The following BBX variants were observed in gnomAD, a reference collection of about 807,000 sequenced individuals.
The protein encoded by BBX is BBX high mobility group box domain containing.
A neutral mutation model predicts 100.2 loss-of-function variants in BBX; 30 were observed. The observed-to-expected ratio is 0.30, with a 90% CI of 0.22 to 0.41. BBX has a LOEUF of 0.41. BBX is among the 10% of genes least tolerant of loss of function. The pLI is 1.00. For synonymous variants in BBX, 376 were observed against 388.1 expected, an observed-to-expected ratio of 0.97 and a Z score of 0.37; for missense variants, 1,023 against 1,129.8, an observed-to-expected ratio of 0.91 and a Z score of 1.35.
intron 2 of BBX, among the ~76,000 whole-genome samples, chr3:107,616,658 T>C (rs1247473836): frequency 6.6e-6 from 1 of 152,178 alleles, no homozygotes; most frequent in African/African-American, 2.4e-5. Context: ...TGCCTAATAA[T>C]ATTGAACATC....
intron 2 of BBX, among the ~76,000 whole-genome samples, chr3:107,612,507 C>T (rs2054914759): frequency 6.6e-6 from 1 of 152,084 alleles, no homozygotes; most frequent in South Asian, 2.1e-4. Flanking sequence ...AGAGGTACTA[C>T]CTTGGTGATC....
At position 107,728,860 on chromosome 3, in the gene BBX, A is replaced by G. The variant is rs1352731806; in HGVS notation, c.501A>G (p.Arg167=). 1 of 1,613,870 alleles carries G rather than the reference A, an allele frequency of 6.2e-7. No homozygotes were observed. Among genetic ancestry groups the G allele is most frequent in the African/African-American group, 1.3e-5 (1 of 74,910 alleles). The change falls in exon 6 of 18, where the codon CGA becomes CGG. Residue 167 remains arginine, a synonymous_variant. Coordinates refer to ENST00000325805, the MANE Select transcript of BBX (RefSeq NM_001142568.3). Reference sequence around the variant, plus strand: ...CCCCAACACCCACTGTCAATCCACGAAAGAAACTTTGGGCCTTCCCATCTG... The same window carrying G: ...CCCCAACACCCACTGTCAATCCACGGAAGAAACTTTGGGCCTTCCCATCTG... ...VKSPTPTVNP[R]KKLWAFPSDS...
chr3:107,592,417 A>T (rs2053398300), intron 2 of BBX, among the ~76,000 whole-genome samples: 1 of 150,318 alleles, frequency 6.7e-6, no homozygotes, highest in Non-Finnish European at 1.5e-5. Flanking sequence ...TCTTTGTGAG[A>T]TTACTGATTT....
At chr3:107,730,565 G>A (rs899257493) in intron 6 of BBX, among the ~76,000 whole-genome samples, 5 of 150,828 alleles carry the variant, frequency 3.3e-5, no homozygotes, top group African/African-American at 1.2e-4. Flanking sequence ...AGAAAGCTAT[G>A]AAAGATATCT....
At chr3:107,705,115 A>G (rs1008572557) in intron 3 of BBX, among the ~76,000 whole-genome samples, 4 of 152,258 alleles carry the variant, frequency 2.6e-5, no homozygotes, top group Non-Finnish European at 4.4e-5. Context: ...TGGAAGTACT[A>G]GAGTTTCCAC....
At chr3:107,805,008 T>C (rs2070941186) in intron 17 of BBX, among the ~76,000 whole-genome samples, 1 of 152,172 alleles carries the variant, frequency 6.6e-6, no homozygotes, top group Non-Finnish European at 1.5e-5. Flanking sequence ...CAGTCCTTGA[T>C]TGAAATTTTC....
chr3:107,615,940 C>A (rs2055219611), intron 2 of BBX, among the ~76,000 whole-genome samples: 1 of 145,052 alleles, frequency 6.9e-6, no homozygotes, highest in African/African-American at 2.6e-5. Flanking sequence ...GGCCTGAGGC[C>A]CTTCAAAGGA....
chr3:107,706,643 TA>T (rs983969477), intron 3 of BBX, among the ~76,000 whole-genome samples: 3 of 152,222 alleles, frequency 2.0e-5, no homozygotes, highest in African/African-American at 7.2e-5. Flanking sequence ...GTCTTTTGAA[TA>T]AAGTCCAACA....
chr3:107,761,989 A>G (rs184188048), intron 10 of BBX, among the ~76,000 whole-genome samples: 168 of 152,276 alleles, frequency 1.1e-3, no homozygotes, highest in African/African-American at 3.8e-3. Flanking sequence ...CTCCTACACT[A>G]TCGTCATATA....
At chr3:107,565,909 C>T (rs1300854027) in intron 2 of BBX, among the ~76,000 whole-genome samples, 1 of 151,740 alleles carries the variant, frequency 6.6e-6, no homozygotes, top group African/African-American at 2.4e-5. Context: ...CGCCGTGGCT[C>T]ACACCTATAA....
intron 3 of BBX, among the ~76,000 whole-genome samples, chr3:107,681,392 G>A (rs1330554707): frequency 1.3e-5 from 2 of 152,026 alleles, no homozygotes; most frequent in Non-Finnish European, 2.9e-5. Flanking sequence ...TTTTCAACTA[G>A]GGATCAATTT....
chr3:107,707,034 A>G (rs2061432984), intron 3 of BBX, among the ~76,000 whole-genome samples: 1 of 152,274 alleles, frequency 6.6e-6, no homozygotes, highest in African/African-American at 2.4e-5. Context: ...ATAAATTATT[A>G]AAGTGCACAG....
intron 9 of BBX, among the ~76,000 whole-genome samples, chr3:107,751,344 C>T (rs1214812665): frequency 6.6e-6 from 1 of 152,204 alleles, no homozygotes; most frequent in South Asian, 2.1e-4. Context: ...ATTTTAAGAT[C>T]AGGCGTGCAA....
chr3:107,767,279 A>G (rs1335771122), intron 10 of BBX, among the ~76,000 whole-genome samples: 1 of 152,020 alleles, frequency 6.6e-6, no homozygotes, highest in Non-Finnish European at 1.5e-5. Flanking sequence ...CACTGGCAGG[A>G]GACTGGGAGA....
chr3:107,710,403 C>G (rs750781598), intron 3 of BBX, 49 bp from the exon 4 acceptor site: 1 of 1,458,574 alleles, frequency 6.9e-7, no homozygotes, highest in Non-Finnish European at 9.3e-7. Context: ...CTCGGTGTCT[C>G]TCTTTCTCTC....
chr3:107,552,253 A>G (rs1436590236), intron 2 of BBX, among the ~76,000 whole-genome samples: 1 of 147,724 alleles, frequency 6.8e-6, no homozygotes, highest in Non-Finnish European at 1.5e-5. Flanking sequence ...CTGAGGTAGG[A>G]GAATCACTTG....
intron 2 of BBX, among the ~76,000 whole-genome samples, chr3:107,606,845 T>C (rs2054482309): frequency 6.6e-6 from 1 of 152,190 alleles, no homozygotes; most frequent in African/African-American, 2.4e-5. Context: ...ATTAAATTAT[T>C]GACTATAGTC....
In BBX at chr3:107,772,699, A is replaced by G. The variant is rs1448883045; in HGVS notation, c.978A>G (p.Gly326=). 6.2e-7 allele frequency: 1 copy of G among 1,607,378 alleles called. No homozygotes were observed. The highest frequency in any genetic ancestry group is 8.5e-7 in the Non-Finnish European group (1 of 1,178,464). The stretch of plus-strand genomic sequence containing the variant: ...TAAAAGCAAAAGAATCCGATGGTGG[A>G]AGAATTAAAGAATTAGAGAAGGGAA... ...KLIKAKESDG[G]RIKELEKGKE... is the part of the protein sequence containing the mutation. The change falls in exon 11 of 18, where the codon GGA becomes GGG. Residue 326 remains glycine (G), a synonymous_variant. Coordinates refer to ENST00000325805, the MANE Select transcript of BBX (RefSeq NM_001142568.3).
Position 107,583,198 on chromosome 3 carries a change from T to C in BBX, c.-84+56800T>C, listed in dbSNP as rs553336361. The stretch of plus-strand genomic sequence containing the variant: ...TTGGCTATACAGAGGACCTTCAGTG[T>C]TTTTTTAAGGCTTATACTGTTTTGT... On this transcript the variant is annotated intron_variant, in intron 2 of 17. Coordinates refer to ENST00000325805, the MANE Select transcript of BBX (RefSeq NM_001142568.3). Among the ~76,000 whole-genome samples, 6 of 152,046 alleles carry C rather than the reference T, an allele frequency of 3.9e-5. No individual in the cohort carries two copies. In the East Asian group the frequency reaches 9.6e-4, roughly 24 times the overall value.
Sources: gnomAD v4.1 joint callset for allele counts (sites outside exome capture counted in the v4.1 genomes callset) on GRCh38, gnomAD v4.1.1 for gene constraint, MANE v1.5 for transcripts, NCBI Gene and HGNC (gene_info 2026-07-23, HGNC 2026-07-21) for gene names.